The following CNTRL variants were observed in gnomAD, a reference collection of about 807,000 sequenced individuals.
CNTRL encodes the protein centriolin, also known as 110 kDa centrosomal protein.
A neutral mutation model predicts 303.7 loss-of-function variants in CNTRL; 233 were observed. The observed-to-expected ratio is 0.77, with a 90% CI of 0.69 to 0.86. The LOEUF is 0.86. Among genes scored for constraint, CNTRL ranks in the 40% least tolerant of loss-of-function variants. The probability of loss-of-function intolerance (pLI) is 0.00; values close to 1 mark genes in which losing one functional copy is unlikely to be tolerated. For missense variants in CNTRL, 2,524 were observed against 2,650.6 expected (o/e 0.95, Z 1.05); for synonymous variants, 900 against 922.2 (o/e 0.98, Z 0.44).
At chr9:121,170,293 G>A (rs958010521) in intron 39 of CNTRL, among the ~76,000 whole-genome samples, 4 of 151,978 alleles carry the variant, frequency 2.6e-5, no homozygotes, top group African/African-American at 9.7e-5. Context: ...ACAGGTGTGC[G>A]CCACCACGCC....
chr9:121,090,270 T>G lies in CNTRL; in HGVS notation c.218-5T>G, dbSNP rs766805179. On this transcript the variant is annotated splice_polypyrimidine_tract_variant and splice_region_variant and intron_variant, in intron 3 of 43. Coordinates refer to ENST00000373855, the MANE Select transcript of CNTRL (RefSeq NM_007018.6). Reference sequence around the variant, plus strand: ...ACTGATGATGATCTGTTTCTATAATTTCAGGAGCTGATTCACATGCAGGAG... The same window carrying G: ...ACTGATGATGATCTGTTTCTATAATGTCAGGAGCTGATTCACATGCAGGAG... 2 of 1,594,460 alleles carry G rather than the reference T, an allele frequency of 1.3e-6. No homozygotes were observed. The highest frequency in any genetic ancestry group is 2.3e-5 in the South Asian group (2 of 86,832).
intron 17 of CNTRL, 37 bp downstream of exon 17, chr9:121,140,823 C>A: frequency 6.3e-7 from 1 of 1,586,828 alleles, no homozygotes; most frequent in Non-Finnish European, 8.6e-7. Context: ...CTAGAGTGGG[C>A]CTCACAACTT....
At chr9:121,115,666 G>C (rs1227550411) in intron 11 of CNTRL, among the ~76,000 whole-genome samples, 1 of 152,154 alleles carries the variant, frequency 6.6e-6, no homozygotes, top group African/African-American at 2.4e-5. Flanking sequence ...AAGTAAGCGA[G>C]TAAGCAGCTC....
chr9:121,102,570 AT>A (rs1161102662), intron 7 of CNTRL, among the ~76,000 whole-genome samples: 1 of 152,244 alleles, frequency 6.6e-6, no homozygotes, highest in East Asian at 1.9e-4. Flanking sequence ...GGAGAAAGAA[AT>A]AAAGGATGTT....
In CNTRL at chr9:121,125,822, T is replaced by C; in HGVS notation, c.1911T>C (p.Asn637=). The C allele has an allele frequency of 1.9e-6, 3 of 1,614,168 alleles. No homozygotes were observed. The highest frequency in any genetic ancestry group is 2.5e-6 in the Non-Finnish European group (3 of 1,180,024). Residue 637 remains asparagine, a synonymous_variant, in exon 14 of 44, where the codon AAT becomes AAC. Coordinates refer to ENST00000373855, the MANE Select transcript of CNTRL (RefSeq NM_007018.6). ...TIKGQATQAQ[N]ECRKLRDEKE... is the part of the protein sequence containing the mutation. ...AAGGCCAGGCAACTCAGGCCCAGAATGAGTGCAGGAAGCTGCGGGATGAGA... is the reference window on the plus strand; with the variant it reads ...AAGGCCAGGCAACTCAGGCCCAGAACGAGTGCAGGAAGCTGCGGGATGAGA...
intron 14 of CNTRL, 36 bp downstream of exon 14, chr9:121,125,972 A>T (rs1003653366): frequency 1.8e-5 from 27 of 1,535,472 alleles, no homozygotes; most frequent in Non-Finnish European, 2.3e-5. Context: ...CCGTAGCTTC[A>T]TAAGTAGATA....
intron 7 of CNTRL, among the ~76,000 whole-genome samples, chr9:121,102,502 C>G (rs1338577338): frequency 6.6e-6 from 1 of 152,172 alleles, no homozygotes; most frequent in South Asian, 2.1e-4. Context: ...CAGGGATGCC[C>G]TCTCTCACCA....
In CNTRL at chr9:121,080,297, G is replaced by C. The variant is rs770671749; in HGVS notation, c.-204-9G>C. On this transcript the variant is annotated splice_polypyrimidine_tract_variant and intron_variant, in intron 1 of 43. Coordinates refer to ENST00000373855, the MANE Select transcript of CNTRL (RefSeq NM_007018.6). ...TATCACAACATATATTTGTCTGTCT[G>C]TTTTTTAGAGACAGGGGCTCCCTGT... 1 of 152,148 alleles carries C rather than the reference G, an allele frequency of 6.6e-6. No homozygotes were observed. The highest frequency in any genetic ancestry group is 1.5e-5 in the Non-Finnish European group (1 of 68,020). 9.4% of individuals were successfully genotyped at this position (152,148 alleles called of 1,614,324 possible).
In CNTRL at chr9:121,154,735, G is replaced by A. The variant is rs753870065; in HGVS notation, c.4187G>A (p.Gly1396Glu). 1.3e-6 allele frequency: 2 copies of A among 1,599,026 alleles called. No individual in the cohort carries two copies. The highest frequency in any genetic ancestry group is 3.3e-5 in the Admixed American group (2 of 59,968). ...TTATTTTTTAGGGACTTCATTGATG[G>A]AAATGTTGAGAGTCTTATGACTGAA... ...KRQQQKDFID[G>E]NVESLMTELE... The change falls in exon 27 of 44, where the codon GGA (glycine) becomes GAA (glutamate). Residue 1396 changes from glycine (G) to glutamate (E), a missense_variant. By Grantham distance (98) the Gly-to-Glu change is moderately conservative (BLOSUM62 -2). Coordinates refer to ENST00000373855, the MANE Select transcript of CNTRL (RefSeq NM_007018.6).
At position 121,084,676 on chromosome 9, in the gene CNTRL, C is replaced by T. The variant is rs138187525; in HGVS notation, c.-31-3620C>T. On this transcript the variant is annotated intron_variant, in intron 2 of 43. Coordinates refer to ENST00000373855, the MANE Select transcript of CNTRL (RefSeq NM_007018.6). ...TCTTCTGCCTTGACCTCCTGAGCAC[C>T]TGGGATTCCTGGCGCTTGCCACCAC... is the stretch of plus-strand genomic sequence containing the variant. Among the ~76,000 whole-genome samples, 55 of 152,196 alleles carry T rather than the reference C, an allele frequency of 3.6e-4. No individual in the cohort carries two copies. The East Asian group carries it at 0.01, about 28-fold the overall frequency.
At chr9:121,156,033 T>G (rs2131654057) in intron 27 of CNTRL, among the ~76,000 whole-genome samples, 1 of 152,230 alleles carries the variant, frequency 6.6e-6, no homozygotes, top group East Asian at 1.9e-4. Context: ...GAGCTGTTCC[T>G]TCTGTTGTCA....
intron 35 of CNTRL, 45 bp from the exon 36 acceptor site, chr9:121,166,062 A>C: frequency 7.0e-7 from 1 of 1,434,996 alleles, no homozygotes; most frequent in Non-Finnish European, 9.8e-7. Flanking sequence ...TCTGTACAGT[A>C]AATACGTATG....
In CNTRL at chr9:121,160,169, G is replaced by A; in HGVS notation, c.4956G>A (p.Leu1652=). ...IREVKSLLEE[L]SFQKGELNVQ... The stretch of plus-strand genomic sequence containing the variant: ...AAGTAAAATCTCTTCTGGAAGAACT[G>A]AGTTTTCAGAAAGGAGAACTAAATG... Residue 1652 remains leucine, a synonymous_variant, in exon 32 of 44, where the codon CTG becomes CTA. Transcript: ENST00000373855. 6.6e-7 allele frequency: 1 copy of A among 1,506,552 alleles called. No individual in the cohort carries two copies. The highest frequency in any genetic ancestry group is 8.8e-7 in the Non-Finnish European group (1 of 1,133,188). 93.3% of individuals were successfully genotyped at this position (1,506,552 alleles called of 1,614,324 possible). A position where few individuals can be genotyped will look rare whatever the true frequency, so the allele number is the denominator to read the frequency against.
chr9:121,144,823 T>A lies in CNTRL; in HGVS notation c.3052-20T>A, dbSNP rs2051739664. On this transcript the variant is annotated intron_variant, in intron 20 of 43. Transcript: ENST00000373855. ...ACCTGTGATAGCAGTGGTGCCTTTC[T>A]CATACTTCTGTCCCAGTAGGAGTTG... 2 of 1,591,454 alleles carry A rather than the reference T, an allele frequency of 1.3e-6. No individual in the cohort carries two copies. Among genetic ancestry groups the A allele is most frequent in the Non-Finnish European group, 1.7e-6 (2 of 1,160,836 alleles).
intron 19 of CNTRL, among the ~76,000 whole-genome samples, 153 bp from the exon 20 acceptor site, chr9:121,143,750 T>A (rs1311303275): frequency 6.6e-6 from 1 of 152,242 alleles, no homozygotes; most frequent in Non-Finnish European, 1.5e-5. Flanking sequence ...TTGAGATCTA[T>A]TATTTATTCA....
intron 12 of CNTRL, among the ~76,000 whole-genome samples, chr9:121,119,543 C>T (rs1480248880): frequency 6.6e-6 from 1 of 152,006 alleles, no homozygotes; most frequent in Non-Finnish European, 1.5e-5. Context: ...ATCCACCCAC[C>T]TCAACCTCCC....
chr9:121,110,581 C>T (rs1414734713), intron 8 of CNTRL, among the ~76,000 whole-genome samples: 2 of 152,106 alleles, frequency 1.3e-5, no homozygotes, highest in Non-Finnish European at 2.9e-5. Flanking sequence ...GGTAGTTCTT[C>T]CAGGCCTGAA....
chr9:121,157,907 AG>A, intron 29 of CNTRL, 27 bp downstream of exon 29: 1 of 1,613,810 alleles, frequency 6.2e-7, no homozygotes, highest in South Asian at 1.1e-5. Context: ...TAGGGCTACA[AG>A]GGGTTTGTGC....
rs746829240 is a variant in CNTRL at position 121,154,756 on chromosome 9, C to A, written c.4208C>A (p.Thr1403Asn). 4 of 1,608,906 alleles carry A rather than the reference C, an allele frequency of 2.5e-6. No individual in the cohort carries two copies. Among genetic ancestry groups the A allele is most frequent in the Non-Finnish European group, 3.4e-6 (4 of 1,175,586 alleles). ...GATGGAAATGTTGAGAGTCTTATGACTGAACTAGAAATAGAAAAATCACTC... is the reference window on the plus strand; with the variant it reads ...GATGGAAATGTTGAGAGTCTTATGAATGAACTAGAAATAGAAAAATCACTC... ...FIDGNVESLM[T>N]ELEIEKSLKH... The change falls in exon 27 of 44, where the codon ACT becomes AAT. Residue 1403 changes from threonine to asparagine, a missense_variant. Physicochemically the swap from Thr to Asn is moderately conservative, Grantham distance 65. Coordinates refer to ENST00000373855, the MANE Select transcript of CNTRL (RefSeq NM_007018.6).
Sources: gnomAD v4.1 joint callset for allele counts (sites outside exome capture counted in the v4.1 genomes callset) on GRCh38, gnomAD v4.1.1 for gene constraint, MANE v1.5 for transcripts, NCBI Gene and HGNC (gene_info 2026-07-23, HGNC 2026-07-21) for gene names.